The following GPATCH2 variants were observed in gnomAD, a reference collection of about 807,000 sequenced individuals.
GPATCH2 encodes the protein G patch domain-containing protein 2.
GPATCH2 carries 51 observed loss-of-function variants against 58.0 expected under a neutral mutation model. The observed-to-expected ratio is 0.88, with a 90% CI of 0.70 to 1.11. GPATCH2 has a LOEUF of 1.11. Among genes scored for constraint, GPATCH2 ranks in the 50% most tolerant of loss-of-function variants. GPATCH2 has a pLI of 0.00. For synonymous variants in GPATCH2, 222 were observed against 218.5 expected (o/e 1.02, Z -0.14); for missense variants, 625 against 652.2 (o/e 0.96, Z 0.45).
chr1:217,427,228 A>G lies in GPATCH2; in HGVS notation c.*3917T>C, dbSNP rs891687079. 3.9e-5 allele frequency: 6 copies of G among 152,180 alleles called. No individual in the cohort carries two copies. Among genetic ancestry groups the G allele is most frequent in the African/African-American group, 1.2e-4 (5 of 41,456 alleles). The allele number at this position is 152,180 out of a possible 1,614,324, so 9.4% of individuals were successfully genotyped here. A position where few individuals can be genotyped will look rare whatever the true frequency, so the allele number is the denominator to read the frequency against. On this transcript the variant is annotated 3_prime_UTR_variant, in exon 10 of 10. Coordinates refer to ENST00000366935, the MANE Select transcript of GPATCH2 (RefSeq NM_018040.5). ...TAGAATCACAGAATCCTTGAGGGGA[A>G]AGAGACCTTAAGCAAGTTAGTCTAA...
At chr1:217,533,257 T>A (rs1402276171) in intron 5 of GPATCH2, among the ~76,000 whole-genome samples, 1 of 152,076 alleles carries the variant, frequency 6.6e-6, no homozygotes, top group Non-Finnish European at 1.5e-5. Flanking sequence ...CTCTTAAAAA[T>A]GATGGAGGAC....
chr1:217,530,928 T>C (rs1571870508), intron 5 of GPATCH2, among the ~76,000 whole-genome samples: 1 of 152,212 alleles, frequency 6.6e-6, no homozygotes, highest in East Asian at 1.9e-4. Context: ...CTGATTTGCT[T>C]TTCTTGGCCA....
chr1:217,455,776 C>A (rs545896058), intron 8 of GPATCH2, among the ~76,000 whole-genome samples: 11 of 151,948 alleles, frequency 7.2e-5, no homozygotes, highest in Admixed American at 2.0e-4. Context: ...CCTGTTTTTG[C>A]GCCCAAAAGT....
intron 5 of GPATCH2, among the ~76,000 whole-genome samples, chr1:217,585,987 A>G (rs974224933): frequency 2.0e-5 from 3 of 152,178 alleles, no homozygotes; most frequent in African/African-American, 7.2e-5. Context: ...CAGAAAATCT[A>G]TAATAAAAAA....
intron 5 of GPATCH2, among the ~76,000 whole-genome samples, chr1:217,571,703 C>CAAAAAAAAAAAAAAAAAAAAAAAAAA (rs11463536): frequency 3.4e-4 from 25 of 73,788 alleles, no homozygotes; most frequent in Non-Finnish European, 4.7e-4. Context: ...AAAACGAAAC[C>CAAAAAAAAAAAAAAAAAAAAAAAAAA]AAAAAAAAAA....
intron 8 of GPATCH2, among the ~76,000 whole-genome samples, chr1:217,454,872 G>C (rs554889128): frequency 8.6e-5 from 13 of 151,920 alleles, no homozygotes; most frequent in Non-Finnish European, 1.8e-4. Context: ...GACCTCAAGC[G>C]ATCCGCCCAC....
At chr1:217,454,733 A>G (rs12023480) in intron 8 of GPATCH2, among the ~76,000 whole-genome samples, 100,738 of 149,820 alleles carry the variant, frequency 0.67, 34,126 homozygotes, top group Middle Eastern at 0.78. Flanking sequence ...ATACCTCAGC[A>G]CCACGCCCAC....
At chr1:217,575,289 T>TA (rs2102728493) in intron 5 of GPATCH2, among the ~76,000 whole-genome samples, 1 of 152,310 alleles carries the variant, frequency 6.6e-6, no homozygotes, top group African/African-American at 2.4e-5. Context: ...TGGAAACTGT[T>TA]AGTTATCACA....
At chr1:217,523,898 GGGCT>G (rs1663638646) in intron 5 of GPATCH2, among the ~76,000 whole-genome samples, 1 of 113,000 alleles carries the variant, frequency 8.8e-6, no homozygotes, top group South Asian at 2.7e-4. Context: ...GCCGGGCGGG[GGGCT>G]GACCCCCACA....
At chr1:217,448,850 T>C (rs560683700) in intron 9 of GPATCH2, among the ~76,000 whole-genome samples, 378 of 152,300 alleles carry the variant, frequency 2.5e-3, no homozygotes, top group Middle Eastern at 0.01. Flanking sequence ...TCCTACCACA[T>C]GGGGTCTTGT....
chr1:217,453,208 C>T (rs1031711219), intron 8 of GPATCH2, among the ~76,000 whole-genome samples: 13 of 152,164 alleles, frequency 8.5e-5, no homozygotes, highest in African/African-American at 3.1e-4. Context: ...CTGTTTCTTT[C>T]TTCTGCAGTG....
rs1010517907 is a variant in GPATCH2, at chr1:217,600,739, G to A, written c.1098+9582C>T. Among the ~76,000 whole-genome samples, 4 of 152,104 alleles carry A rather than the reference G, an allele frequency of 2.6e-5. No homozygotes were observed. In the South Asian group the frequency reaches 8.3e-4, roughly 31 times the overall value. On this transcript the variant is annotated intron_variant, in intron 5 of 9. Transcript: ENST00000366935. ...TTTTAAAAGACAACTAAAAAAAGGT[G>A]TTGCATCTTCATCTGTGAAGTCAAA... is the stretch of plus-strand genomic sequence containing the variant.
chr1:217,446,753 G>C (rs1206224814), intron 9 of GPATCH2, among the ~76,000 whole-genome samples: 1 of 151,984 alleles, frequency 6.6e-6, no homozygotes, highest in Non-Finnish European at 1.5e-5. Flanking sequence ...GGTATATGCT[G>C]GTGTAAGCTT....
chr1:217,560,184 T>C (rs1665853724), intron 5 of GPATCH2, among the ~76,000 whole-genome samples: 1 of 152,190 alleles, frequency 6.6e-6, no homozygotes, highest in Non-Finnish European at 1.5e-5. Context: ...TTTTCCTGGT[T>C]ACTCGTGTTT....
chr1:217,536,920 C>T (rs374586390), intron 5 of GPATCH2, among the ~76,000 whole-genome samples: 1 of 152,022 alleles, frequency 6.6e-6, no homozygotes, highest in Non-Finnish European at 1.5e-5. Context: ...TGCAGTGAGC[C>T]GAGATCGTGC....
intron 5 of GPATCH2, among the ~76,000 whole-genome samples, chr1:217,592,416 A>G (rs1272948905): frequency 6.6e-6 from 1 of 151,952 alleles, no homozygotes; most frequent in Admixed American, 6.6e-5. Context: ...TAAAATTTAT[A>G]TAATAGCACA....
chr1:217,516,722 ACCTTTTCCAC>A (rs1307258302), intron 5 of GPATCH2, among the ~76,000 whole-genome samples: 3 of 152,154 alleles, frequency 2.0e-5, no homozygotes, highest in Admixed American at 1.3e-4. Flanking sequence ...GCTGCTGACA[ACCTTTTCCAC>A]ACTATATTAA....
At chr1:217,442,455 C>T (rs748850587) in intron 9 of GPATCH2, among the ~76,000 whole-genome samples, 43 of 151,988 alleles carry the variant, frequency 2.8e-4, no homozygotes, top group Non-Finnish European at 4.7e-4. Context: ...CAAGCCTGCA[C>T]GTTCTGCACA....
At chr1:217,551,373 A>C (rs993397570) in intron 5 of GPATCH2, among the ~76,000 whole-genome samples, 2 of 152,112 alleles carry the variant, frequency 1.3e-5, no homozygotes, top group Non-Finnish European at 2.9e-5. Flanking sequence ...TCAATTGGGA[A>C]CTTGCTAGAA....
Sources: allele counts gnomAD v4.1 joint callset (sites outside exome capture counted in the v4.1 genomes callset), GRCh38; gene constraint gnomAD v4.1.1; transcripts MANE v1.5; gene names NCBI Gene and HGNC (gene_info 2026-07-23, HGNC 2026-07-21).